SOX6: variants seen among roughly 807,000 people sequenced by gnomAD.
SOX6 encodes the protein transcription factor SOX-6.
SOX6 carries 11 observed loss-of-function variants against 97.8 expected under a neutral mutation model. That is an observed-to-expected ratio of 0.11 (90% CI 0.07 to 0.19). The LOEUF is 0.19. Ranked by LOEUF, SOX6 falls within the 10% of genes least tolerant of loss-of-function variation. SOX6 has a pLI of 1.00. For synonymous variants in SOX6, 360 were observed against 371.4 expected (o/e 0.97, Z 0.35); for missense variants, 810 against 1,039.5 (o/e 0.78, Z 3.04).
At chr11:15,998,275 T>G (rs1474593440) in intron 13 of SOX6, among the ~76,000 whole-genome samples, 1 of 150,774 alleles carries the variant, frequency 6.6e-6, no homozygotes, top group Non-Finnish European at 1.5e-5. Flanking sequence ...AAATCAATCA[T>G]ATTTCTTTAT....
At chr11:16,668,221 A>G (rs1030516435) in intron 3 of SOX6, among the ~76,000 whole-genome samples, 1 of 152,234 alleles carries the variant, frequency 6.6e-6, no homozygotes, top group Admixed American at 6.5e-5. Flanking sequence ...AAAAAATACA[A>G]AAATTAGCCA....
chr11:16,688,144 G>A (rs1847983255), intron 3 of SOX6, among the ~76,000 whole-genome samples: 1 of 151,460 alleles, frequency 6.6e-6, no homozygotes, highest in African/African-American at 2.4e-5. Flanking sequence ...GGCTAATTTT[G>A]TTTATTTTTT....
At chr11:16,601,442 G>A (rs982737948) in intron 4 of SOX6, among the ~76,000 whole-genome samples, 7 of 151,952 alleles carry the variant, frequency 4.6e-5, no homozygotes, top group Non-Finnish European at 8.8e-5. Context: ...AAAACAAATA[G>A]CTCTTAGATA....
upstream of SOX6, among the ~76,000 whole-genome samples, chr11:16,477,711 A>G (rs1416917977): frequency 6.6e-6 from 1 of 152,178 alleles, no homozygotes; most frequent in East Asian, 1.9e-4. Context: ...AAATCTTTTT[A>G]AAGATTGATA....
rs71044096 is a variant in SOX6, at chr11:16,302,566, C to CTTTTTTTTTTT, written c.445+15869_445+15879dup. ...CTACAGCATTTTTTTTTCTTTTTTTCTTTTTTTTTTTTTTTTTTTTTTGAG... is the reference window on the plus strand; with the variant it reads ...CTACAGCATTTTTTTTTCTTTTTTTCTTTTTTTTTTTTTTTTTTTTTTTTTTTTTTTTTGAG... On this transcript the variant is annotated intron_variant, in intron 3 of 15. Transcript: ENST00000683767. Among the ~76,000 whole-genome samples the CTTTTTTTTTTT allele has an allele frequency of 6.7e-4, 58 of 87,002 alleles. 1 individual carries two copies. The highest frequency in any genetic ancestry group is 8.5e-4 in the Non-Finnish European group (40 of 47,304). 57.1% of individuals were successfully genotyped at this position (87,002 alleles called of 152,430 possible). A position where few individuals can be genotyped will look rare whatever the true frequency, so the allele number is the denominator to read the frequency against.
intron 4 of SOX6, among the ~76,000 whole-genome samples, chr11:16,202,748 A>T (rs908590793): frequency 1.3e-5 from 2 of 152,138 alleles, no homozygotes; most frequent in Admixed American, 6.5e-5. Flanking sequence ...AATGGCTTTT[A>T]AAAAAAGAAG....
At chr11:16,164,590 G>A (rs1429127674) in intron 6 of SOX6, among the ~76,000 whole-genome samples, 5 of 152,088 alleles carry the variant, frequency 3.3e-5, no homozygotes, top group South Asian at 4.1e-4. Context: ...TTGGGAGGCC[G>A]AGGCGGGCGG....
intron 4 of SOX6, among the ~76,000 whole-genome samples, chr11:16,544,424 A>G (rs1253083595): frequency 6.6e-6 from 1 of 152,036 alleles, no homozygotes. Context: ...ATGCCTGGCT[A>G]ATTTTTTAAA....
chr11:16,279,147 T>C (rs1408893352), intron 3 of SOX6, among the ~76,000 whole-genome samples: 1 of 152,024 alleles, frequency 6.6e-6, no homozygotes, highest in Non-Finnish European at 1.5e-5. Flanking sequence ...TGTATTTCAG[T>C]AACAATGAAA....
At chr11:16,068,795 C>A (rs920416226) in intron 9 of SOX6, among the ~76,000 whole-genome samples, 1 of 152,230 alleles carries the variant, frequency 6.6e-6, no homozygotes, top group Non-Finnish European at 1.5e-5. Flanking sequence ...CTGACTACTG[C>A]CTCCTTTGTG....
At chr11:16,701,379 G>A (rs1394047238) in intron 3 of SOX6, among the ~76,000 whole-genome samples, 3 of 152,038 alleles carry the variant, frequency 2.0e-5, no homozygotes, top group African/African-American at 4.8e-5. Flanking sequence ...ATTATGTTAA[G>A]GAACTGGTAG....
chr11:16,379,238 G>A (rs139588186), intron 1 of SOX6, among the ~76,000 whole-genome samples: 33 of 152,070 alleles, frequency 2.2e-4, no homozygotes, highest in African/African-American at 7.0e-4. Flanking sequence ...AGGCTGAGAC[G>A]GGTGGATTGC....
Position 16,356,060 on chromosome 11 carries a change from C to A in SOX6, c.-5+34G>T, listed in dbSNP as rs145832402. On this transcript the variant is annotated intron_variant, in intron 1 of 15. Transcript: ENST00000683767. ...AAAAGGTAAAGTAATACAGCCAAGA[C>A]CTGTGACAGCTAAAGGAAGCACAAA... Among the ~76,000 whole-genome samples the A allele has an allele frequency of 6.2e-4, 95 of 152,078 alleles. No individual in the cohort carries two copies. The East Asian group carries it at 0.017, about 28-fold the overall frequency.
intron 4 of SOX6, among the ~76,000 whole-genome samples, chr11:16,569,450 CAGTT>C (rs1847913068): frequency 6.6e-6 from 1 of 152,044 alleles, no homozygotes; most frequent in African/African-American, 2.4e-5. Flanking sequence ...GTGGTACAAT[CAGTT>C]AGCACACAGT....
intron 3 of SOX6, among the ~76,000 whole-genome samples, chr11:16,271,150 T>G (rs1407075255): frequency 1.3e-5 from 2 of 151,364 alleles, no homozygotes; most frequent in Admixed American, 1.3e-4. Context: ...ATTCCAAGAC[T>G]TTTTTTCCTT....
At chr11:16,347,816 A>G (rs1016624437) in intron 1 of SOX6, among the ~76,000 whole-genome samples, 3 of 152,156 alleles carry the variant, frequency 2.0e-5, no homozygotes, top group Admixed American at 6.6e-5. Context: ...AAAGAGAAAA[A>G]TGAATATTGA....
chr11:16,197,956 A>G (rs1851828017), intron 4 of SOX6, among the ~76,000 whole-genome samples: 1 of 152,220 alleles, frequency 6.6e-6, no homozygotes, highest in South Asian at 2.1e-4. Flanking sequence ...ATTTGTCACA[A>G]ATAGGATGTC....
intron 1 of SOX6, among the ~76,000 whole-genome samples, chr11:16,469,378 C>T (rs1301801144): frequency 6.6e-6 from 1 of 151,916 alleles, no homozygotes; most frequent in East Asian, 1.9e-4. Context: ...TTAAGAAATA[C>T]AAGCTTGCAA....
intron 4 of SOX6, among the ~76,000 whole-genome samples, chr11:16,596,258 T>C (rs1241663282): frequency 6.6e-6 from 1 of 152,244 alleles, no homozygotes; most frequent in African/African-American, 2.4e-5. Context: ...CATACCTAGT[T>C]GACATATTTG....
Sources: allele counts gnomAD v4.1 joint callset (sites outside exome capture counted in the v4.1 genomes callset), GRCh38; gene constraint gnomAD v4.1.1; transcripts MANE v1.5; gene names NCBI Gene and HGNC (gene_info 2026-07-23, HGNC 2026-07-21).